Variants in BFSP1 observed in about 807,000 individuals in gnomAD.
BFSP1 encodes filensin.
A neutral mutation model predicts 43.9 loss-of-function variants in BFSP1; 38 were observed. That is an observed-to-expected ratio of 0.87 (90% CI 0.67 to 1.14). The LOEUF (loss-of-function observed/expected upper bound fraction) is 1.14. Ranked by LOEUF, BFSP1 falls within the 50% of genes most tolerant of loss-of-function variation. The pLI, the probability that BFSP1 is intolerant of heterozygous loss-of-function variation, is 0.00. For missense variants in BFSP1, 850 were observed against 875.1 expected (o/e 0.97, Z 0.36); for synonymous variants, 352 against 354.8 (o/e 0.99, Z 0.09).
intron 1 of BFSP1, among the ~76,000 whole-genome samples, chr20:17,549,616 A>C (rs2034862352): frequency 6.6e-6 from 1 of 152,140 alleles, no homozygotes; most frequent in Non-Finnish European, 1.5e-5. Flanking sequence ...AGGGTGAATC[A>C]CTTGAGGTCG....
upstream of BFSP1, among the ~76,000 whole-genome samples, chr20:17,533,790 C>T (rs2034587155): frequency 6.6e-6 from 1 of 152,192 alleles, no homozygotes; most frequent in African/African-American, 2.4e-5. Context: ...AAAATATATT[C>T]TAGAAACATA....
chr20:17,514,672 A>C, intron 3 of BFSP1, 49 bp downstream of exon 3: 1 of 1,582,436 alleles, frequency 6.3e-7, no homozygotes. Context: ...TACCTGATCA[A>C]ACCCAAACTG....
intron 2 of BFSP1, chr20:17,516,748 C>A: frequency 5.9e-6 from 2 of 338,880 alleles, no homozygotes; most frequent in South Asian, 8.4e-5. Context: ...GAGAGTTGTA[C>A]AAGATCAAAT....
At chr20:17,510,266 T>C (rs928510854) in intron 4 of BFSP1, among the ~76,000 whole-genome samples, 8 of 152,174 alleles carry the variant, frequency 5.3e-5, no homozygotes, top group South Asian at 2.1e-4. Flanking sequence ...GACATCAAAG[T>C]CAGTTTAGTG....
chr20:17,505,163 C>T (rs1224015378), intron 5 of BFSP1, among the ~76,000 whole-genome samples: 1 of 152,202 alleles, frequency 6.6e-6, no homozygotes, highest in South Asian at 2.1e-4. Context: ...GAAGTGCTTC[C>T]TCCGGGGCTC....
At chr20:17,504,792 C>A (rs772854223) in intron 5 of BFSP1, among the ~76,000 whole-genome samples, 1 of 152,218 alleles carries the variant, frequency 6.6e-6, no homozygotes, top group Non-Finnish European at 1.5e-5. Flanking sequence ...TGTCTCCCCA[C>A]TGGGCTGTGA....
chr20:17,549,376 G>A (rs2034858565), intron 1 of BFSP1, among the ~76,000 whole-genome samples: 1 of 152,196 alleles, frequency 6.6e-6, no homozygotes, highest in Non-Finnish European at 1.5e-5. Context: ...TGCTTCTGGG[G>A]AAGCCTCAGG....
At chr20:17,548,180 C>CAAAAAAAAAAAAAAAA (rs11470598) in intron 1 of BFSP1, among the ~76,000 whole-genome samples, 6 of 119,842 alleles carry the variant, frequency 5.0e-5, no homozygotes, top group African/African-American at 9.4e-5. Flanking sequence ...GAAAATAATG[C>CAAAAAAAAAAAAAAAA]AAAAAAAAAA....
chr20:17,564,363 T>A (rs1600690360), intron 1 of BFSP1, among the ~76,000 whole-genome samples: 3 of 137,136 alleles, frequency 2.2e-5, no homozygotes, highest in African/African-American at 5.4e-5. Context: ...AGAACCTGGC[T>A]AAAAAAAAAA....
intron 4 of BFSP1, among the ~76,000 whole-genome samples, chr20:17,510,900 A>C (rs548168656): frequency 6.6e-6 from 1 of 152,202 alleles, no homozygotes; most frequent in South Asian, 2.1e-4. Flanking sequence ...AGCCTACCAC[A>C]ACCTCTGAAG....
In BFSP1 at chr20:17,507,020, G is replaced by T; in HGVS notation, c.735+1869C>A. On this transcript the variant is annotated intron_variant, in intron 5 of 7. Coordinates refer to ENST00000377873, the MANE Select transcript of BFSP1 (RefSeq NM_001195.5). The surrounding 1 kb of genome is among the most constrained non-coding windows in gnomAD (Gnocchi z 4.4). Reference sequence around the variant, plus strand: ...GCAGCCACTCAGGACAGAAACAGGCGGCCAACCAGCGGTTTCATTTCATGT... The same window carrying T: ...GCAGCCACTCAGGACAGAAACAGGCTGCCAACCAGCGGTTTCATTTCATGT... 1 of 152,212 alleles carries T rather than the reference G, an allele frequency of 6.6e-6. No homozygotes were observed. The highest frequency in any genetic ancestry group is 1.5e-5 in the Non-Finnish European group (1 of 68,026). The allele number at this position is 152,212 out of a possible 1,614,324, so 9.4% of individuals were successfully genotyped here. A position where few individuals can be genotyped will look rare whatever the true frequency, so the allele number is the denominator to read the frequency against.
Position 17,531,210 on chromosome 20 carries a change from G to A in BFSP1, c.120C>T (p.Ser40=), listed in dbSNP as rs949869524. ...PADEGWAGAT[S]LAALQGLGER... is the part of the protein sequence containing the mutation. ...CGCCGAGCCCCTGCAGCGCCGCCAG[G>A]CTCGTTGCCCCAGCCCAGCCCTCGT... is the stretch of plus-strand genomic sequence containing the variant. Residue 40 remains serine, a synonymous_variant, in exon 1 of 8, where the codon AGC becomes AGT. Transcript: ENST00000377873. 1.5e-6 allele frequency: 2 copies of A among 1,324,684 alleles called. No individual in the cohort carries two copies. The highest frequency in any genetic ancestry group is 5.5e-4 in the Middle Eastern group (2 of 3,630). The allele number at this position is 1,324,684 out of a possible 1,614,324, so 82.1% of individuals were successfully genotyped here. A position where few individuals can be genotyped will look rare whatever the true frequency, so the allele number is the denominator to read the frequency against.
chr20:17,543,996 T>G (rs2034761770), intron 1 of BFSP1, among the ~76,000 whole-genome samples: 1 of 152,182 alleles, frequency 6.6e-6, no homozygotes, highest in Non-Finnish European at 1.5e-5. Flanking sequence ...TTTTTGCACA[T>G]GGTCTATGTT....
intron 2 of BFSP1, chr20:17,516,888 A>G (rs2123498828): frequency 1.5e-6 from 1 of 675,064 alleles, no homozygotes; most frequent in Non-Finnish European, 2.7e-6. Context: ...CATCACCCTC[A>G]AGGTTGAACC....
chr20:17,557,639 C>T (rs751784772), intron 1 of BFSP1, among the ~76,000 whole-genome samples: 13 of 152,170 alleles, frequency 8.5e-5, no homozygotes, highest in East Asian at 1.9e-4. Context: ...GACCTTCATG[C>T]GCCTAACAGT....
intron 1 of BFSP1, among the ~76,000 whole-genome samples, chr20:17,556,832 T>C (rs2123595306): frequency 6.6e-6 from 1 of 151,798 alleles, no homozygotes; most frequent in South Asian, 2.1e-4. Flanking sequence ...TTTATTTTCT[T>C]TCTTAGACAT....
In BFSP1 at chr20:17,555,810, A is replaced by G. The variant is rs145481914; in HGVS notation, c.2+2878T>C. ...AATCAAATACCATCAAGATTTTTAA[A>G]TAGAACTTCACAAGAAGATTGTCAA... On this transcript the variant is annotated intron_variant, in intron 1 of 7. Coordinates refer to the BFSP1 transcript ENST00000377868. 6.6e-5 allele frequency among the ~76,000 whole-genome samples: 10 copies of G among 152,356 alleles called. No individual in the cohort carries two copies. In the East Asian group the frequency reaches 1.7e-3, roughly 26 times the overall value.
intron 5 of BFSP1, among the ~76,000 whole-genome samples, chr20:17,505,522 G>C (rs1038401148): frequency 6.6e-6 from 1 of 152,258 alleles, no homozygotes; most frequent in Non-Finnish European, 1.5e-5. Context: ...CTCTCGGCCC[G>C]CCCTCCACCG....
At chr20:17,499,912 C>T (rs2033755256) in intron 5 of BFSP1, among the ~76,000 whole-genome samples, 1 of 152,100 alleles carries the variant, frequency 6.6e-6, no homozygotes, top group South Asian at 2.1e-4. Context: ...CAGAGCAAGA[C>T]TCTGTCTAAA....
Sources: allele counts gnomAD v4.1 joint callset (sites outside exome capture counted in the v4.1 genomes callset), GRCh38; gene constraint gnomAD v4.1.1; non-coding constraint Gnocchi (gnomAD v3.1); transcripts MANE v1.5; gene names NCBI Gene and HGNC (gene_info 2026-07-23, HGNC 2026-07-21).